The following EYS variants were observed in gnomAD, a reference collection of about 807,000 sequenced individuals.
EYS encodes EGF-like photoreceptor maintenance factor, also known as protein eyes shut homolog.
In EYS, 250 loss-of-function variants were observed where a neutral mutation model predicts 282.1. The observed-to-expected ratio is 0.89, with a 90% CI of 0.80 to 0.98. EYS has a LOEUF of 0.98. EYS is among the 50% of genes least tolerant of loss of function. The pLI is 0.00. For synonymous variants in EYS, 1,355 were observed against 1,282.9 expected, an observed-to-expected ratio of 1.06 and a Z score of -1.20; for missense variants, 4,016 against 3,709.0, an observed-to-expected ratio of 1.08 and a Z score of -2.15.
intron 7 of EYS, among the ~76,000 whole-genome samples, chr6:65,391,912 T>G (rs1364049022): frequency 1.3e-5 from 2 of 152,118 alleles, no homozygotes; most frequent in Non-Finnish European, 2.9e-5. Flanking sequence ...GCTACCTGAC[T>G]TCAAACTATA....
intron 35 of EYS, among the ~76,000 whole-genome samples, chr6:63,979,071 C>T (rs367940525): frequency 9.2e-5 from 14 of 151,922 alleles, no homozygotes; most frequent in African/African-American, 3.1e-4. Context: ...TTTTCTTAGT[C>T]TAGCTCAATT....
chr6:64,402,593 C>T (rs543043934), intron 28 of EYS, among the ~76,000 whole-genome samples: 23 of 152,254 alleles, frequency 1.5e-4, no homozygotes, highest in African/African-American at 5.5e-4. Flanking sequence ...CATTCGTTTG[C>T]CCATGGGGCT....
At chr6:65,331,833 T>TAGACAAAGATGAATTAC in intron 11 of EYS, 1 of 555,732 alleles carries the variant, frequency 1.8e-6, no homozygotes, top group Non-Finnish European at 2.3e-6. Context: ...ATATCAGTAA[T>TAGACAAAGATGAATTAC]TCATCTTTGT....
At chr6:64,542,300 T>C (rs969121610) in intron 26 of EYS, among the ~76,000 whole-genome samples, 1 of 152,130 alleles carries the variant, frequency 6.6e-6, no homozygotes, top group African/African-American at 2.4e-5. Context: ...TAACAAAATG[T>C]ACCTGAGAAC....
intron 26 of EYS, among the ~76,000 whole-genome samples, chr6:64,481,082 C>T (rs1776422461): frequency 6.6e-6 from 1 of 151,060 alleles, no homozygotes; most frequent in South Asian, 2.1e-4. Context: ...TTAAATATGA[C>T]TTATTTTGGT....
intron 7 of EYS, among the ~76,000 whole-genome samples, chr6:65,394,629 A>T (rs1440267896): frequency 6.6e-6 from 1 of 152,084 alleles, no homozygotes; most frequent in Non-Finnish European, 1.5e-5. Context: ...TCAACCCACT[A>T]TGATCTACCT....
chr6:64,590,813 GA>G lies in EYS; in HGVS notation c.5053del (p.Ser1685GlnfsTer3). 1 of 1,549,748 alleles carries G rather than the reference GA, an allele frequency of 6.5e-7. No individual in the cohort carries two copies. The highest frequency in any genetic ancestry group is 8.7e-7 in the Non-Finnish European group (1 of 1,145,936). ...TGACAGTTCATCAGTAGTCATTTTT[GA>G]AGTCAAATCAGAATTCATCAAGTCT... ...SSDLMNSDLT[S>X]KMTTDELSVS... On this transcript the variant is annotated frameshift_variant, in exon 26 of 43. Coordinates refer to ENST00000503581, the MANE Select transcript of EYS (RefSeq NM_001142800.2). LOFTEE classifies it high-confidence loss of function.
chr6:64,811,980 A>C (rs1416319176), intron 22 of EYS, among the ~76,000 whole-genome samples: 1 of 152,116 alleles, frequency 6.6e-6, no homozygotes, highest in Non-Finnish European at 1.5e-5. Context: ...TATTGAACAA[A>C]ATGTATTTCC....
At chr6:64,940,342 G>A (rs901723773) in intron 15 of EYS, among the ~76,000 whole-genome samples, 3 of 151,916 alleles carry the variant, frequency 2.0e-5, no homozygotes, top group African/African-American at 7.2e-5. Flanking sequence ...ATACAGAAAC[G>A]CATATACAAG....
intron 2 of EYS, among the ~76,000 whole-genome samples, chr6:65,617,409 C>A (rs1766241781): frequency 6.6e-6 from 1 of 151,940 alleles, no homozygotes; most frequent in Non-Finnish European, 1.5e-5. Flanking sequence ...TATCACATAT[C>A]TATTGGTAAA....
At chr6:64,944,074 C>CA (rs1489551082) in intron 15 of EYS, among the ~76,000 whole-genome samples, 2 of 152,074 alleles carry the variant, frequency 1.3e-5, no homozygotes, top group African/African-American at 2.4e-5. Context: ...AACATACTGA[C>CA]AGCCATTTAA....
At chr6:65,641,766 C>G (rs1425119737) in intron 1 of EYS, among the ~76,000 whole-genome samples, 1 of 152,096 alleles carries the variant, frequency 6.6e-6, no homozygotes, top group African/African-American at 2.4e-5. Context: ...TTCTTTATAT[C>G]CTTTTTTACA....
intron 31 of EYS, among the ~76,000 whole-genome samples, chr6:64,142,512 C>A (rs1685678003): frequency 6.6e-6 from 1 of 151,950 alleles, no homozygotes; most frequent in Non-Finnish European, 1.5e-5. Flanking sequence ...GCAGTCAGTG[C>A]AGAAAGGGAA....
chr6:64,212,179 AT>A, intron 31 of EYS, among the ~76,000 whole-genome samples: 1 of 152,214 alleles, frequency 6.6e-6, no homozygotes, highest in Non-Finnish European at 1.5e-5. Flanking sequence ...ATTGAGTTAA[AT>A]TGTCACTGTG....
At chr6:65,252,774 GA>G (rs1451878434) in intron 12 of EYS, among the ~76,000 whole-genome samples, 1 of 151,868 alleles carries the variant, frequency 6.6e-6, no homozygotes, top group Admixed American at 6.6e-5. Context: ...ATATAAAGAA[GA>G]ATTGAATGAA....
intron 28 of EYS, among the ~76,000 whole-genome samples, chr6:64,395,346 A>G (rs1402730782): frequency 2.0e-5 from 3 of 152,142 alleles, no homozygotes; most frequent in Non-Finnish European, 2.9e-5. Flanking sequence ...TGTTTATTGC[A>G]GCATTATTCA....
At chr6:64,463,518 TATAGA>T (rs1317284624) in intron 26 of EYS, among the ~76,000 whole-genome samples, 5 of 152,174 alleles carry the variant, frequency 3.3e-5, no homozygotes, top group Middle Eastern at 3.2e-3. Flanking sequence ...TTCAGTACCT[TATAGA>T]ATATTGTAAA....
chr6:64,968,217 T>G, intron 14 of EYS, among the ~76,000 whole-genome samples: 1 of 152,128 alleles, frequency 6.6e-6, no homozygotes, highest in East Asian at 1.9e-4. Context: ...ACAGAAACAG[T>G]AAAAAAATGT....
At chr6:63,915,561 G>C (rs1764400812) in intron 35 of EYS, among the ~76,000 whole-genome samples, 1 of 152,162 alleles carries the variant, frequency 6.6e-6, no homozygotes, top group African/African-American at 2.4e-5. Flanking sequence ...TTTTTGTAAG[G>C]CTATAGCTGC....
Sources: gnomAD v4.1 joint callset for allele counts (sites outside exome capture counted in the v4.1 genomes callset) on GRCh38, gnomAD v4.1.1 for gene constraint, MANE v1.5 for transcripts, NCBI Gene and HGNC (gene_info 2026-07-23, HGNC 2026-07-21) for gene names.